CYTH3: variants seen among roughly 807,000 people sequenced by gnomAD.
CYTH3 encodes cytohesin-3.
In CYTH3, 23 loss-of-function variants were observed where a neutral mutation model predicts 55.1. That is an observed-to-expected ratio of 0.42 (90% CI 0.30 to 0.59). CYTH3 has a LOEUF of 0.59. CYTH3 is among the 20% of genes least tolerant of loss of function. The pLI is 0.20. For synonymous variants in CYTH3, 249 were observed against 194.9 expected, an observed-to-expected ratio of 1.28 and a Z score of -2.31; for missense variants, 413 against 524.8, an observed-to-expected ratio of 0.79 and a Z score of 2.08.
intron 1 of CYTH3, among the ~76,000 whole-genome samples, chr7:6,232,044 T>C (rs1779401776): frequency 6.6e-6 from 1 of 152,198 alleles, no homozygotes; most frequent in Non-Finnish European, 1.5e-5. Context: ...CTCTGCACCC[T>C]CAAGACTTTG....
At position 6,198,091 on chromosome 7, in the gene CYTH3, TAAG is replaced by T. The variant is rs376466557; in HGVS notation, c.35-7563_35-7561del. Among the ~76,000 whole-genome samples, 351 of 91,572 alleles carry T rather than the reference TAAG, an allele frequency of 3.8e-3. 6 individuals carry two copies. Among genetic ancestry groups the T allele is most frequent in the East Asian group, 0.022 (46 of 2,118 alleles). The allele number at this position is 91,572 out of a possible 152,430, so 60.1% of individuals were successfully genotyped here. On this transcript the variant is annotated intron_variant, in intron 1 of 12. Coordinates refer to ENST00000350796, the MANE Select transcript of CYTH3 (RefSeq NM_004227.4). Reference sequence around the variant, plus strand: ...CCTGAGTAACAGAGTGAGACACTCTTAAGAAAAAAAAAAAAAAAAGGAAAAAAA... The same window carrying T: ...CCTGAGTAACAGAGTGAGACACTCTTAAAAAAAAAAAAAAAAGGAAAAAAA...
chr7:6,204,339 A>T (rs896007231), intron 1 of CYTH3, among the ~76,000 whole-genome samples: 5 of 152,202 alleles, frequency 3.3e-5, no homozygotes, highest in Non-Finnish European at 5.9e-5. Flanking sequence ...GGTGCCTTCA[A>T]GTAAAGCAGA....
At chr7:6,197,743 T>C (rs1583775242) in intron 1 of CYTH3, among the ~76,000 whole-genome samples, 3 of 152,160 alleles carry the variant, frequency 2.0e-5, no homozygotes, top group African/African-American at 4.8e-5. Context: ...ATTTGATCCA[T>C]TATCCATTTT....
At chr7:6,206,825 T>C (rs916241304) in intron 1 of CYTH3, among the ~76,000 whole-genome samples, 2 of 152,140 alleles carry the variant, frequency 1.3e-5, no homozygotes, top group Non-Finnish European at 2.9e-5. Flanking sequence ...CTCTACCTTA[T>C]ATCCTGTGGC....
intron 1 of CYTH3, among the ~76,000 whole-genome samples, chr7:6,258,420 A>C (rs941585323): frequency 6.6e-6 from 1 of 152,156 alleles, no homozygotes; most frequent in Non-Finnish European, 1.5e-5. Context: ...TACTGGCCAG[A>C]CTTGGGTGAC....
chr7:6,197,718 A>C (rs1045066117), intron 1 of CYTH3, among the ~76,000 whole-genome samples: 27 of 152,192 alleles, frequency 1.8e-4, no homozygotes, highest in Non-Finnish European at 3.5e-4. Flanking sequence ...CAAAATTATA[A>C]CAATTATTAA....
chr7:6,208,035 T>A (rs1049944994), intron 1 of CYTH3, among the ~76,000 whole-genome samples: 2 of 152,168 alleles, frequency 1.3e-5, no homozygotes, highest in Non-Finnish European at 2.9e-5. Flanking sequence ...AGCACTACTG[T>A]TCTTATTCTT....
intron 1 of CYTH3, among the ~76,000 whole-genome samples, chr7:6,195,843 A>G (rs1398635653): frequency 6.6e-6 from 1 of 152,238 alleles, no homozygotes; most frequent in African/African-American, 2.4e-5. Flanking sequence ...ATTTGAAGAA[A>G]TAATGGCTGA....
chr7:6,183,216 T>C (rs1182862445), intron 4 of CYTH3, among the ~76,000 whole-genome samples: 1 of 152,236 alleles, frequency 6.6e-6, no homozygotes, highest in Non-Finnish European at 1.5e-5. Flanking sequence ...GTTCCCTGAA[T>C]GTACCTCCTC....
At chr7:6,218,477 T>C (rs1784472967) in intron 1 of CYTH3, among the ~76,000 whole-genome samples, 1 of 152,194 alleles carries the variant, frequency 6.6e-6, no homozygotes, top group Admixed American at 6.5e-5. Context: ...TTCAGACTTC[T>C]TACTTCTAGA....
At chr7:6,232,031 T>A (rs1779401523) in intron 1 of CYTH3, among the ~76,000 whole-genome samples, 1 of 152,206 alleles carries the variant, frequency 6.6e-6, no homozygotes, top group African/African-American at 2.4e-5. Flanking sequence ...CTTTTCCTGA[T>A]CTCTCTGCAC....
Position 6,173,715 on chromosome 7 carries a change from T to A in CYTH3, c.387A>T (p.Lys129Asn), listed in dbSNP as rs762421588. 2 of 1,605,376 alleles carry A rather than the reference T, an allele frequency of 1.2e-6. No individual in the cohort carries two copies. Among genetic ancestry groups the A allele is most frequent in the Non-Finnish European group, 8.5e-7 (1 of 1,172,012 alleles). The change falls in exon 6 of 13, where the codon AAA becomes AAT. Residue 129 changes from lysine (K) to asparagine (N), a missense_variant. By Grantham distance (94) the Lys-to-Asn change is moderately conservative. Around this residue, in one of 4 missense-constraint regions of CYTH3, gnomAD observed 156 missense variants for 233.1 expected, o/e 0.67. Coordinates refer to ENST00000350796, the MANE Select transcript of CYTH3 (RefSeq NM_004227.4). Reference protein sequence around the residue: ...YLGERDEFNIKVLQAFVELHE... With the variant: ...YLGERDEFNINVLQAFVELHE... Reference sequence around the variant, plus strand: ...GGAGTTCAACAAAGGCTTGAAGAACTTTAATATTAAATTCATCCCTGGGAA... The same window carrying A: ...GGAGTTCAACAAAGGCTTGAAGAACATTAATATTAAATTCATCCCTGGGAA...
intron 1 of CYTH3, among the ~76,000 whole-genome samples, chr7:6,225,168 T>G (rs759555648): frequency 1.4e-4 from 21 of 152,306 alleles, no homozygotes; most frequent in Non-Finnish European, 2.4e-4. Context: ...CATTATTGAA[T>G]GTCTATTATT....
chr7:6,234,228 T>A (rs1013033425), intron 1 of CYTH3, among the ~76,000 whole-genome samples: 7 of 152,142 alleles, frequency 4.6e-5, no homozygotes, highest in Non-Finnish European at 7.4e-5. Context: ...CCACTGGAGA[T>A]CCCTGTTAAC....
intron 1 of CYTH3, among the ~76,000 whole-genome samples, chr7:6,200,338 C>T (rs1014506430): frequency 1.3e-5 from 2 of 152,166 alleles, no homozygotes; most frequent in African/African-American, 4.8e-5. Context: ...GGAGTTCACT[C>T]GCAGTCCTAT....
chr7:6,219,895 T>C (rs992086620), intron 1 of CYTH3, among the ~76,000 whole-genome samples: 3 of 152,070 alleles, frequency 2.0e-5, no homozygotes, highest in Non-Finnish European at 2.9e-5. Flanking sequence ...GGAATTATTC[T>C]CCTCAATTTC....
intron 6 of CYTH3, chr7:6,173,177 G>A: frequency 1.7e-6 from 1 of 596,900 alleles, no homozygotes; most frequent in Non-Finnish European, 2.1e-6. Flanking sequence ...GCAGGAGGAA[G>A]ACAACGTGCA....
At chr7:6,263,346 C>T (rs1201332364) in intron 1 of CYTH3, among the ~76,000 whole-genome samples, 2 of 152,154 alleles carry the variant, frequency 1.3e-5, no homozygotes, top group Non-Finnish European at 2.9e-5. Flanking sequence ...AATGAGAAAG[C>T]AATCTGTTAT....
intron 1 of CYTH3, among the ~76,000 whole-genome samples, chr7:6,256,935 A>C (rs1780144592): frequency 1.3e-5 from 2 of 152,220 alleles, no homozygotes; most frequent in African/African-American, 4.8e-5. Flanking sequence ...AAAAGGAAGG[A>C]AAGAAGGCAT....
Sources: gnomAD v4.1 joint callset for allele counts (sites outside exome capture counted in the v4.1 genomes callset) on GRCh38, gnomAD v4.1.1 for gene constraint, gnomAD v4.1.1 regional missense constraint, MANE v1.5 for transcripts, NCBI Gene and HGNC (gene_info 2026-07-23, HGNC 2026-07-21) for gene names.